Variants in WASF3 observed in about 807,000 individuals in gnomAD.
WASF3 encodes the protein actin-binding protein WASF3.
A neutral mutation model predicts 46.6 loss-of-function variants in WASF3; 11 were observed. The observed-to-expected ratio is 0.24, with a 90% CI of 0.15 to 0.39. The LOEUF (loss-of-function observed/expected upper bound fraction) is 0.39, where lower values mean the gene tolerates loss of function less well. Among genes scored for constraint, WASF3 ranks in the 10% least tolerant of loss-of-function variants. The probability of loss-of-function intolerance (pLI) is 1.00; values close to 1 mark genes in which losing one functional copy is unlikely to be tolerated. For synonymous variants in WASF3, 242 were observed against 259.7 expected (o/e 0.93, Z 0.65); for missense variants, 576 against 669.8 (o/e 0.86, Z 1.55).
intron 8 of WASF3, among the ~76,000 whole-genome samples, chr13:26,681,837 C>T (rs143818855): frequency 5.3e-4 from 80 of 152,210 alleles, no homozygotes; most frequent in African/African-American, 1.9e-3. Flanking sequence ...CATGTTCAGG[C>T]GTTTATCAAT....
At chr13:26,559,004 C>T (rs968501753) in intron 1 of WASF3, among the ~76,000 whole-genome samples, 2 of 152,166 alleles carry the variant, frequency 1.3e-5, no homozygotes, top group Non-Finnish European at 1.5e-5. Flanking sequence ...AATTCTATTG[C>T]TTCTTTTTAT....
chr13:26,663,679 T>A (rs887063682), intron 3 of WASF3, among the ~76,000 whole-genome samples: 1 of 152,228 alleles, frequency 6.6e-6, no homozygotes. Context: ...ATACTAATTT[T>A]AAATTCATAA....
intron 1 of WASF3, among the ~76,000 whole-genome samples, chr13:26,563,654 C>CAAAAAAAAA (rs34374716): frequency 3.6e-4 from 17 of 47,000 alleles, no homozygotes; most frequent in African/African-American, 6.6e-4. Flanking sequence ...GACTCCATCT[C>CAAAAAAAAA]AAAAAAAAAA....
At chr13:26,661,807 A>C (rs964814165) in intron 3 of WASF3, among the ~76,000 whole-genome samples, 28 of 152,290 alleles carry the variant, frequency 1.8e-4, no homozygotes, top group African/African-American at 6.0e-4. Flanking sequence ...GTAGCATCCT[A>C]ATGGGTATGA....
chr13:26,686,111 T>G lies in WASF3; in HGVS notation c.*266T>G. ...CTGAAAACAGCATCTGCTTTCCTCTTGGCCATGAGAGTATTTAGTGCAGTT... is the reference window on the plus strand; with the variant it reads ...CTGAAAACAGCATCTGCTTTCCTCTGGGCCATGAGAGTATTTAGTGCAGTT... On this transcript the variant is annotated 3_prime_UTR_variant, in exon 10 of 10. Transcript: ENST00000335327. The G allele has an allele frequency of 2.3e-6, 1 of 425,824 alleles. No individual in the cohort carries two copies. The highest frequency in any genetic ancestry group is 4.2e-6 in the Non-Finnish European group (1 of 235,650). 26.4% of individuals were successfully genotyped at this position (425,824 alleles called of 1,614,324 possible).
intron 3 of WASF3, among the ~76,000 whole-genome samples, chr13:26,653,412 A>G (rs148339488): frequency 3.9e-5 from 6 of 152,148 alleles, no homozygotes; most frequent in African/African-American, 1.4e-4. Flanking sequence ...CATGGCCTCT[A>G]TTTCCCACAT....
At chr13:26,583,998 TC>T (rs1880057662) in intron 1 of WASF3, among the ~76,000 whole-genome samples, 1 of 152,346 alleles carries the variant, frequency 6.6e-6, no homozygotes, top group Non-Finnish European at 1.5e-5. Context: ...ACCTGTGACT[TC>T]CTGTAATGTT....
chr13:26,618,420 T>A (rs1460229372), intron 2 of WASF3, among the ~76,000 whole-genome samples: 2 of 152,126 alleles, frequency 1.3e-5, no homozygotes, highest in African/African-American at 4.8e-5. Flanking sequence ...AATTCATTAT[T>A]ATGAATTTGA....
intron 1 of WASF3, among the ~76,000 whole-genome samples, chr13:26,585,094 TGTAAA>T (rs1243409068): frequency 1.7e-5 from 2 of 120,588 alleles, no homozygotes; most frequent in Non-Finnish European, 3.6e-5. Context: ...GAAAGAAAAA[TGTAAA>T]AAAAAAAAAA....
chr13:26,665,549 G>A (rs2137466525), intron 4 of WASF3, among the ~76,000 whole-genome samples: 1 of 152,230 alleles, frequency 6.6e-6, no homozygotes, highest in East Asian at 1.9e-4. Context: ...CATACCTTGT[G>A]TGACACAAGC....
chr13:26,645,131 A>C (rs9512300), intron 3 of WASF3, among the ~76,000 whole-genome samples: 1 of 152,132 alleles, frequency 6.6e-6, no homozygotes, highest in Non-Finnish European at 1.5e-5. Flanking sequence ...TTGAAATCCT[A>C]ATCCTCATTG....
chr13:26,639,285 T>C (rs901209312), intron 2 of WASF3, among the ~76,000 whole-genome samples: 1 of 152,158 alleles, frequency 6.6e-6, no homozygotes, highest in Non-Finnish European at 1.5e-5. Flanking sequence ...GAGTTCCAAA[T>C]AGAGGTTTAA....
At chr13:26,675,494 AC>A in intron 6 of WASF3, among the ~76,000 whole-genome samples, 1 of 65,462 alleles carries the variant, frequency 1.5e-5, no homozygotes, top group Middle Eastern at 0.011. Context: ...ACACACACAC[AC>A]ACACACACAC....
chr13:26,650,655 G>A (rs1293666616), intron 3 of WASF3, among the ~76,000 whole-genome samples: 3 of 152,172 alleles, frequency 2.0e-5, no homozygotes, highest in Admixed American at 6.5e-5. Context: ...GATGAACAAC[G>A]TGTGAGGAAA....
chr13:26,577,343 T>A (rs911831489), intron 1 of WASF3: 2 of 761,798 alleles, frequency 2.6e-6, no homozygotes, highest in Non-Finnish European at 4.8e-6. Context: ...ATGGAAAACC[T>A]TTTATGCTCA....
At chr13:26,550,961 C>T in the WASF3 span, among the ~76,000 whole-genome samples, 1 of 152,180 alleles carries the variant, frequency 6.6e-6, no homozygotes, top group Non-Finnish European at 1.5e-5. Flanking sequence ...TCTATGTCCC[C>T]ACCCAAATCT....
intron 1 of WASF3, among the ~76,000 whole-genome samples, chr13:26,610,836 C>T (rs181317455): frequency 6.6e-6 from 1 of 152,248 alleles, no homozygotes; most frequent in Non-Finnish European, 1.5e-5. Context: ...CAGCCTTAAC[C>T]TGTGACTTCA....
rs530936003 is a variant in WASF3, at chr13:26,575,115, C to T, written c.-109+17296C>T. Among the ~76,000 whole-genome samples, 128 of 152,244 alleles carry T rather than the reference C, an allele frequency of 8.4e-4. 1 individual carries two copies. Among genetic ancestry groups the T allele is most frequent in the African/African-American group, 2.8e-3 (118 of 41,546 alleles). ...CCTCCCACAGCGCTGGGATTACAGG[C>T]GTGAGCCACCGTGCTTGGCCAACCC... On this transcript the variant is annotated intron_variant, in intron 1 of 9. Transcript: ENST00000335327.
intron 6 of WASF3, among the ~76,000 whole-genome samples, chr13:26,675,700 C>T (rs1019580413): frequency 3.7e-5 from 5 of 133,882 alleles, no homozygotes; most frequent in Non-Finnish European, 6.4e-5. Flanking sequence ...CAGTGCCTGG[C>T]GCAGTACCTC....
Sources: allele counts gnomAD v4.1 joint callset (sites outside exome capture counted in the v4.1 genomes callset), GRCh38; gene constraint gnomAD v4.1.1; transcripts MANE v1.5; gene names NCBI Gene and HGNC (gene_info 2026-07-23, HGNC 2026-07-21).